The following CDC27 variants were observed in gnomAD, a reference collection of about 807,000 sequenced individuals.
CDC27 encodes cell division cycle protein 27 homolog.
Under a neutral mutation model 109.7 loss-of-function variants are expected in CDC27, and 27 were observed. That is an observed-to-expected ratio of 0.25 (90% CI 0.18 to 0.34). The LOEUF is 0.34. Among genes scored for constraint, CDC27 ranks in the 10% least tolerant of loss-of-function variants. The pLI is 1.00. For missense variants in CDC27, 579 were observed against 960.2 expected (o/e 0.60, Z 5.25); for synonymous variants, 266 against 333.9 (o/e 0.80, Z 2.22).
chr17:47,185,529 T>A (rs941366261), intron 1 of CDC27, among the ~76,000 whole-genome samples: 1 of 152,118 alleles, frequency 6.6e-6, no homozygotes, highest in African/African-American at 2.4e-5. Context: ...TTACAAAAAA[T>A]TTGTTTACTT....
At chr17:47,150,708 A>G (rs2063127660) in intron 9 of CDC27, among the ~76,000 whole-genome samples, 1 of 152,200 alleles carries the variant, frequency 6.6e-6, no homozygotes, top group South Asian at 2.1e-4. Flanking sequence ...GATAAAATGG[A>G]ATCAACAATA....
At chr17:47,149,785 T>C (rs2063099415) in intron 9 of CDC27, among the ~76,000 whole-genome samples, 1 of 151,872 alleles carries the variant, frequency 6.6e-6, no homozygotes, top group Admixed American at 6.6e-5. Flanking sequence ...TGAAACCCTG[T>C]CTCTACTAAA....
intron 9 of CDC27, among the ~76,000 whole-genome samples, chr17:47,146,946 C>G (rs961129893): frequency 6.6e-5 from 10 of 152,022 alleles, no homozygotes; most frequent in African/African-American, 2.4e-4. Context: ...GCCTATAGTT[C>G]CAGCTACCCA....
chr17:47,158,108 TG>T lies in CDC27; in HGVS notation c.475+97del, dbSNP rs2063373880. ...TTTTAACTTTGAAAAATATTTTTCT[TG>T]GGGGTAGATGATCTGTATTGCTCTC... On this transcript the variant is annotated intron_variant, in intron 5 of 18. Transcript: ENST00000066544. 6.6e-6 allele frequency: 3 copies of T among 457,216 alleles called. No homozygotes were observed. In the East Asian group the frequency reaches 9.7e-5, roughly 15 times the overall value. The allele number at this position is 457,216 out of a possible 1,614,324, so 28.3% of individuals were successfully genotyped here.
At chr17:47,136,535 G>C (rs1204425200) in intron 14 of CDC27, among the ~76,000 whole-genome samples, 2 of 152,120 alleles carry the variant, frequency 1.3e-5, no homozygotes, top group Non-Finnish European at 2.9e-5. Flanking sequence ...AATGTCAACA[G>C]TAAGTATGGT....
intron 4 of CDC27, among the ~76,000 whole-genome samples, chr17:47,167,099 C>A (rs1230209799): frequency 6.6e-6 from 1 of 152,230 alleles, no homozygotes; most frequent in East Asian, 1.9e-4. Context: ...AGGTGATCCA[C>A]CCACCTTGGC....
At chr17:47,148,972 G>A (rs1050705742) in intron 9 of CDC27, among the ~76,000 whole-genome samples, 1 of 151,592 alleles carries the variant, frequency 6.6e-6, no homozygotes, top group Non-Finnish European at 1.5e-5. Flanking sequence ...CCAGCTACTC[G>A]GGAGGCCGTG....
intron 2 of CDC27, 132 bp downstream of exon 2, chr17:47,181,430 T>C (rs1404645032): frequency 4.0e-6 from 2 of 503,602 alleles, no homozygotes; most frequent in African/African-American, 3.8e-5. Context: ...AAAGTAAAGA[T>C]TTTATGAACT....
intron 15 of CDC27, 35 bp from the exon 16 acceptor site, chr17:47,129,556 T>G (rs753652128): frequency 2.0e-6 from 3 of 1,496,460 alleles, no homozygotes; most frequent in Non-Finnish European, 1.8e-6. Flanking sequence ...ATACTCCCTC[T>G]TGATATTTAT....
At chr17:47,143,847 T>A in intron 10 of CDC27, 36 bp downstream of exon 10, 1 of 989,980 alleles carries the variant, frequency 1.0e-6, no homozygotes, top group East Asian at 2.8e-5. Flanking sequence ...AGGCGAAGCA[T>A]TAAGTAAATG....
Position 47,129,445 on chromosome 17 carries a change from G to A in CDC27, c.2108C>T (p.Pro703Leu). Reference sequence around the variant, plus strand: ...TGAGGCTCTGTGAAATTTGCATAGAGGGTTCTTGGGATCAATGACAATGGC... The same window carrying A: ...TGAGGCTCTGTGAAATTTGCATAGAAGGTTCTTGGGATCAATGACAATGGC... ...NKAIVIDPKN[P>L]LCKFHRASVL... Residue 703 changes from proline (P) to leucine (L), a missense_variant, in exon 16 of 19, where the codon CCT (proline) becomes CTT (leucine). By Grantham distance (98) the Pro-to-Leu change is moderately conservative. This residue lies in a region of CDC27 where 227 missense variants were observed against 363.6 expected (regional missense o/e 0.62). Coordinates refer to ENST00000066544, the MANE Select transcript of CDC27 (RefSeq NM_001256.6). The A allele has an allele frequency of 1.2e-6, 2 of 1,611,184 alleles. No homozygotes were observed. Among genetic ancestry groups the A allele is most frequent in the Non-Finnish European group, 1.7e-6 (2 of 1,177,550 alleles).
chr17:47,126,082 A>G (rs1248075297), intron 16 of CDC27, among the ~76,000 whole-genome samples: 1 of 152,214 alleles, frequency 6.6e-6, no homozygotes, highest in Non-Finnish European at 1.5e-5. Context: ...TAAGATTTAA[A>G]TAATTAAATA....
intron 8 of CDC27, 101 bp from the exon 9 acceptor site, chr17:47,152,019 G>C: frequency 9.9e-7 from 1 of 1,008,772 alleles, no homozygotes; most frequent in Non-Finnish European, 1.4e-6. Flanking sequence ...AATACAAGCA[G>C]CCATAATATA....
At chr17:47,181,857 T>C (rs989539764) in intron 1 of CDC27, among the ~76,000 whole-genome samples, 2 of 152,374 alleles carry the variant, frequency 1.3e-5, no homozygotes, top group East Asian at 3.8e-4. Flanking sequence ...TATGGACTTT[T>C]AGGCTTCTGT....
chr17:47,131,524 G>A (rs959277964), intron 15 of CDC27, among the ~76,000 whole-genome samples: 2 of 152,218 alleles, frequency 1.3e-5, no homozygotes, highest in East Asian at 3.9e-4. Flanking sequence ...AAAAAAGAGA[G>A]AAGCTGAGGG....
chr17:47,133,030 C>CACAT (rs1568374355), intron 14 of CDC27, among the ~76,000 whole-genome samples: 1 of 29,416 alleles, frequency 3.4e-5, no homozygotes, highest in African/African-American at 9.1e-5. Flanking sequence ...TATATATATA[C>CACAT]ACACACACAC....
Position 47,122,444 on chromosome 17 carries a change from T to G in CDC27, c.2392A>C (p.Met798Leu). ...EEPITQEEQI[M>L]GTDESQESSM... ...TCAAAATCATATGTATGATACTTAC[T>G]GATCTGTTCTTCTTGGGTTATTGGC... The change falls in exon 18 of 19, where the codon ATG becomes CTG. Residue 798 changes from methionine (M) to leucine (L), a missense_variant and splice_region_variant. Around this residue, in one of 9 missense-constraint regions of CDC27, gnomAD observed 227 missense variants for 363.6 expected, o/e 0.62. Transcript: ENST00000066544. 1 of 1,589,450 alleles carries G rather than the reference T, an allele frequency of 6.3e-7. No individual in the cohort carries two copies. The highest frequency in any genetic ancestry group is 8.6e-7 in the Non-Finnish European group (1 of 1,167,058).
chr17:47,121,054 T>C lies in CDC27; in HGVS notation c.2393-37A>G, dbSNP rs774174424. ...AAACAGAAGTCCACAGTAAGTTTTC[T>C]GACAAATATGTCCTGTTGGTTCATG... is the stretch of plus-strand genomic sequence containing the variant. On this transcript the variant is annotated intron_variant, in intron 18 of 18. Coordinates refer to ENST00000066544, the MANE Select transcript of CDC27 (RefSeq NM_001256.6). 1.5e-5 allele frequency: 19 copies of C among 1,302,882 alleles called. No homozygotes were observed. The Admixed American group carries it at 1.6e-4, about 11-fold the overall frequency. 80.7% of individuals were successfully genotyped at this position (1,302,882 alleles called of 1,614,324 possible). A position where few individuals can be genotyped will look rare whatever the true frequency, so the allele number is the denominator to read the frequency against.
chr17:47,143,066 A>G (rs2062847517), intron 10 of CDC27, among the ~76,000 whole-genome samples: 1 of 152,124 alleles, frequency 6.6e-6, no homozygotes, highest in South Asian at 2.1e-4. Flanking sequence ...TGACCTCCCC[A>G]GGCTCAAGTG....
Sources: gnomAD v4.1 joint callset for allele counts (sites outside exome capture counted in the v4.1 genomes callset) on GRCh38, gnomAD v4.1.1 for gene constraint, gnomAD v4.1.1 regional missense constraint, MANE v1.5 for transcripts, NCBI Gene and HGNC (gene_info 2026-07-23, HGNC 2026-07-21) for gene names.